REV3L: variants seen among roughly 807,000 people sequenced by gnomAD.
REV3L encodes the protein DNA polymerase zeta catalytic subunit.
Under a neutral mutation model 299.4 loss-of-function variants are expected in REV3L, and 69 were observed. That is an observed-to-expected ratio of 0.23 (90% CI 0.19 to 0.28). The LOEUF (loss-of-function observed/expected upper bound fraction) is 0.28, where lower values mean the gene tolerates loss of function less well. Ranked by LOEUF, REV3L falls within the 10% of genes least tolerant of loss-of-function variation. The probability of loss-of-function intolerance (pLI) is 1.00; values close to 1 mark genes in which losing one functional copy is unlikely to be tolerated. For missense variants in REV3L, 3,128 were observed against 3,693.8 expected (o/e 0.85, Z 3.97); for synonymous variants, 1,238 against 1,271.4 (o/e 0.97, Z 0.56).
intron 25 of REV3L, among the ~76,000 whole-genome samples, chr6:111,325,973 T>G (rs1041466118): frequency 1.3e-5 from 2 of 151,806 alleles, no homozygotes; most frequent in African/African-American, 4.8e-5. Context: ...TCTATCTCCA[T>G]GAGTTCCTTT....
intron 12 of REV3L, among the ~76,000 whole-genome samples, chr6:111,377,328 A>ATATT (rs10692925): frequency 0.4 from 60,071 of 151,378 alleles, 14,401 homozygotes; most frequent in Non-Finnish European, 0.54. Flanking sequence ...TTTCAAAATC[A>ATATT]TATTTATTTA....
chr6:111,380,259 C>CTTT, intron 10 of REV3L, 40 bp from the exon 11 acceptor site: 11 of 1,164,976 alleles, frequency 9.4e-6, no homozygotes, highest in South Asian at 1.5e-5. Context: ...AATAAGTTTT[C>CTTT]TTTTTTTTTT....
chr6:111,362,062 T>C (rs1461008820), intron 16 of REV3L, among the ~76,000 whole-genome samples: 1 of 152,184 alleles, frequency 6.6e-6, no homozygotes. Context: ...GTCTATCAAA[T>C]TTGCTTTAAT....
intron 14 of REV3L, 152 bp from the exon 15 acceptor site, chr6:111,365,496 C>T: frequency 6.8e-6 from 3 of 439,488 alleles, no homozygotes. Flanking sequence ...AAATGAAATT[C>T]AAACCTCTGA....
intron 1 of REV3L, chr6:111,430,980 A>AG (rs762636096): frequency 2.5e-5 from 39 of 1,575,932 alleles, no homozygotes; most frequent in Non-Finnish European, 3.3e-5. Context: ...AATACTTTGC[A>AG]GGGGTTCAAA....
chr6:111,454,961 C>T (rs6568680), intron 1 of REV3L, among the ~76,000 whole-genome samples: 60,377 of 152,038 alleles, frequency 0.4, 14,503 homozygotes, highest in Non-Finnish European at 0.54. Context: ...CCACCGCGCC[C>T]GGCTGTTTTT....
chr6:111,405,854 T>G (rs1783561752), intron 3 of REV3L, among the ~76,000 whole-genome samples: 1 of 152,136 alleles, frequency 6.6e-6, no homozygotes, highest in Non-Finnish European at 1.5e-5. Context: ...GAAGAATATT[T>G]TGTCTTAAAC....
At chr6:111,406,343 A>G (rs1783622125) in intron 3 of REV3L, among the ~76,000 whole-genome samples, 1 of 152,234 alleles carries the variant, frequency 6.6e-6, no homozygotes, top group African/African-American at 2.4e-5. Context: ...ACCTAGTGTC[A>G]GAGGCAGGGA....
chr6:111,347,778 G>C (rs1399892286), intron 20 of REV3L, among the ~76,000 whole-genome samples: 1 of 152,068 alleles, frequency 6.6e-6, no homozygotes, highest in Non-Finnish European at 1.5e-5. Flanking sequence ...CCTTGCCTTT[G>C]AGGCATAATA....
At chr6:111,429,850 G>A (rs1002815898) in intron 1 of REV3L, among the ~76,000 whole-genome samples, 6 of 152,120 alleles carry the variant, frequency 3.9e-5, no homozygotes, top group African/African-American at 1.4e-4. Context: ...AGAAGCTCAA[G>A]TCGGACAAAC....
In REV3L at chr6:111,299,885, AAGTCTTCAT is replaced by A; in HGVS notation, c.*122_*130del. 1 of 826,456 alleles carries A rather than the reference AAGTCTTCAT, an allele frequency of 1.2e-6. No individual in the cohort carries two copies. Among genetic ancestry groups the A allele is most frequent in the Non-Finnish European group, 1.9e-6 (1 of 538,470 alleles). The allele number at this position is 826,456 out of a possible 1,614,324, so 51.2% of individuals were successfully genotyped here. A position where few individuals can be genotyped will look rare whatever the true frequency, so the allele number is the denominator to read the frequency against. On this transcript the variant is annotated 3_prime_UTR_variant, in exon 32 of 32. Transcript: ENST00000368802. ...GTACATTTTAATTCGGTTAGCATAGAAGTCTTCATAGTCTTCAGATAACAGACAGTGAAC... is the reference window on the plus strand; with the variant it reads ...GTACATTTTAATTCGGTTAGCATAGAAGTCTTCAGATAACAGACAGTGAAC...
At chr6:111,322,826 ATCATCAT>A in intron 25 of REV3L, 148 bp from the exon 26 acceptor site, 1 of 626,884 alleles carries the variant, frequency 1.6e-6, no homozygotes, top group South Asian at 2.1e-5. Flanking sequence ...AGCCATCAGT[ATCATCAT>A]TCTTTCTACA....
intron 12 of REV3L, among the ~76,000 whole-genome samples, chr6:111,377,178 A>G (rs1411160089): frequency 6.6e-6 from 1 of 152,230 alleles, no homozygotes; most frequent in Non-Finnish European, 1.5e-5. Flanking sequence ...ATATCCTTTT[A>G]GAAATGAGAA....
chr6:111,307,620 G>A (rs745794817), intron 30 of REV3L, 50 bp from the exon 31 acceptor site: 1 of 1,556,748 alleles, frequency 6.4e-7, no homozygotes, highest in Non-Finnish European at 8.8e-7. Flanking sequence ...TCACAGCAAA[G>A]CTGCTATTTT....
intron 5 of REV3L, among the ~76,000 whole-genome samples, chr6:111,392,528 ATTT>A (rs945124757): frequency 6.6e-6 from 1 of 152,106 alleles, no homozygotes; most frequent in Admixed American, 6.5e-5. Flanking sequence ...AAATATTTAG[ATTT>A]TTGTTTTAAA....
intron 19 of REV3L, among the ~76,000 whole-genome samples, chr6:111,349,614 G>A (rs1179949569): frequency 6.6e-6 from 1 of 151,974 alleles, no homozygotes; most frequent in East Asian, 1.9e-4. Flanking sequence ...TGAGTGCAGT[G>A]GCTAGCCACA....
chr6:111,464,810 T>G (rs55675504), intron 1 of REV3L, among the ~76,000 whole-genome samples: 3,391 of 152,206 alleles, frequency 0.022, 130 homozygotes, highest in African/African-American at 0.078. Flanking sequence ...AAGACCAGCC[T>G]GGGCAACATG....
Position 111,452,384 on chromosome 6 carries a change from A to G in REV3L, c.139+30366T>C, listed in dbSNP as rs1351203044. On this transcript the variant is annotated intron_variant, in intron 1 of 31. Coordinates refer to ENST00000368802, the MANE Select transcript of REV3L (RefSeq NM_001372078.1). ...AAGAGAAATGAAAGTATATAATCACAGAGACTTGTACATAAATGCTTTATT... is the reference window on the plus strand; with the variant it reads ...AAGAGAAATGAAAGTATATAATCACGGAGACTTGTACATAAATGCTTTATT... 3.3e-5 allele frequency among the ~76,000 whole-genome samples: 5 copies of G among 152,224 alleles called. No individual in the cohort carries two copies. In the East Asian group the frequency reaches 9.6e-4, roughly 29 times the overall value.
intron 3 of REV3L, among the ~76,000 whole-genome samples, chr6:111,409,193 A>C (rs1047921723): frequency 3.3e-5 from 5 of 152,228 alleles, no homozygotes; most frequent in African/African-American, 9.6e-5. Context: ...GTATATAAAG[A>C]AAATCTAGCC....
Sources: gnomAD v4.1 joint callset for allele counts (sites outside exome capture counted in the v4.1 genomes callset) on GRCh38, gnomAD v4.1.1 for gene constraint, MANE v1.5 for transcripts, NCBI Gene and HGNC (gene_info 2026-07-23, HGNC 2026-07-21) for gene names.